The following PITPNC1 variants were observed in gnomAD, a reference collection of about 807,000 sequenced individuals.
The protein encoded by PITPNC1 is cytoplasmic phosphatidylinositol transfer protein 1.
PITPNC1 carries 18 observed loss-of-function variants against 44.7 expected under a neutral mutation model. That is an observed-to-expected ratio of 0.40 (90% confidence interval 0.28 to 0.60). The LOEUF (loss-of-function observed/expected upper bound fraction) is 0.60, where lower values mean the gene tolerates loss of function less well. Among genes scored for constraint, PITPNC1 ranks in the 20% least tolerant of loss-of-function variants. The pLI, the probability that PITPNC1 is intolerant of heterozygous loss-of-function variation, is 0.39. For synonymous variants in PITPNC1, 141 were observed against 149.6 expected (o/e 0.94, Z 0.42); for missense variants, 290 against 418.4 (o/e 0.69, Z 2.68).
intron 1 of PITPNC1, among the ~76,000 whole-genome samples, chr17:67,418,378 T>C (rs1057182194): frequency 3.3e-5 from 5 of 152,186 alleles, no homozygotes; most frequent in Non-Finnish European, 7.4e-5. Flanking sequence ...GACCCAAAGA[T>C]AAACAATGGG....
At chr17:67,481,013 C>T (rs2039694173) in intron 1 of PITPNC1, among the ~76,000 whole-genome samples, 1 of 152,208 alleles carries the variant, frequency 6.6e-6, no homozygotes, top group Non-Finnish European at 1.5e-5. Context: ...TCGAGACCAG[C>T]CTGGCCAGCA....
chr17:67,690,886 C>T (rs1256687150), intron 8 of PITPNC1, among the ~76,000 whole-genome samples: 10 of 151,802 alleles, frequency 6.6e-5, no homozygotes, highest in Admixed American at 5.3e-4. Flanking sequence ...AGGTGGATCA[C>T]GAGGTTAGGA....
chr17:67,379,359 C>T, intron 1 of PITPNC1: 2 of 985,480 alleles, frequency 2.0e-6, no homozygotes, highest in Non-Finnish European at 2.4e-6. Flanking sequence ...CTCACAGGGG[C>T]TGTCCGTATT....
chr17:67,385,475 C>T (rs1392249971), intron 1 of PITPNC1, among the ~76,000 whole-genome samples: 2 of 151,816 alleles, frequency 1.3e-5, no homozygotes, highest in Non-Finnish European at 2.9e-5. Context: ...AATGGCTGAC[C>T]ACCCCTCCCC....
Position 67,692,903 on chromosome 17 carries a change from C to T in PITPNC1, c.*15C>T. The T allele has an allele frequency of 2.8e-6, 4 of 1,426,242 alleles. No individual in the cohort carries two copies. The highest frequency in any genetic ancestry group is 2.3e-5 in the East Asian group (1 of 43,510). 88.3% of individuals were successfully genotyped at this position (1,426,242 alleles called of 1,614,324 possible). On this transcript the variant is annotated 3_prime_UTR_variant, in exon 9 of 9. Transcript: ENST00000581322. The stretch of plus-strand genomic sequence containing the variant: ...AATCTGAGTAACTTTATATAAATAT[C>T]TCATGGGGTTTTATATTTTCATTTG...
intron 6 of PITPNC1, among the ~76,000 whole-genome samples, chr17:67,642,772 A>T (rs530691906): frequency 6.6e-6 from 1 of 152,292 alleles, no homozygotes; most frequent in South Asian, 2.1e-4. Context: ...ATTTGGATCA[A>T]ACCCCATTTT....
intron 1 of PITPNC1, among the ~76,000 whole-genome samples, chr17:67,494,185 T>TTTCTTTCTTTCTTTCTTTCTTTCTTTC (rs2039904517): frequency 6.8e-5 from 7 of 102,430 alleles, no homozygotes; most frequent in African/African-American, 1.5e-4. Context: ...CTTTCTTTCT[T>TTTCTTTCTTTCTTTCTTTCTTTCTTTC]TTTCTTTCTT....
chr17:67,477,785 C>G (rs566669841), intron 1 of PITPNC1, among the ~76,000 whole-genome samples: 2 of 152,244 alleles, frequency 1.3e-5, no homozygotes, highest in Admixed American at 6.5e-5. Context: ...TTCCCTCTAC[C>G]CTGAGGGTTC....
At chr17:67,452,545 ACT>A (rs1000949092) in intron 1 of PITPNC1, among the ~76,000 whole-genome samples, 4 of 136,954 alleles carry the variant, frequency 2.9e-5, no homozygotes, top group African/African-American at 1.1e-4. Context: ...ATGGAGTCTC[ACT>A]CTGTCGCCAG....
chr17:67,513,818 A>G (rs1175592240), intron 1 of PITPNC1, among the ~76,000 whole-genome samples: 1 of 152,122 alleles, frequency 6.6e-6, no homozygotes, highest in African/African-American at 2.4e-5. Context: ...TTAGCATCCT[A>G]TGGATCTATC....
At chr17:67,388,171 T>G (rs2038082938) in intron 1 of PITPNC1, among the ~76,000 whole-genome samples, 1 of 152,190 alleles carries the variant, frequency 6.6e-6, no homozygotes. Context: ...AATTAGAGAT[T>G]CTTTTGTATT....
chr17:67,425,201 A>ACG lies in PITPNC1; in HGVS notation c.48+47001_48+47002dup, dbSNP rs1388039248. Among the ~76,000 whole-genome samples the ACG allele has an allele frequency of 2.0e-3, 126 of 63,286 alleles. 2 individuals carry two copies. Among genetic ancestry groups the ACG allele is most frequent in the Middle Eastern group, 0.01 (1 of 100 alleles). 41.5% of individuals were successfully genotyped at this position (63,286 alleles called of 152,430 possible). A position where few individuals can be genotyped will look rare whatever the true frequency, so the allele number is the denominator to read the frequency against. The stretch of plus-strand genomic sequence containing the variant: ...AGCCATGTTGTGCGCGCGCACGCAC[A>ACG]CGCACACACACACACACACACACAC... On this transcript the variant is annotated intron_variant, in intron 1 of 8. Transcript: ENST00000581322.
At chr17:67,569,318 C>T (rs564287081) in intron 4 of PITPNC1, among the ~76,000 whole-genome samples, 27 of 152,242 alleles carry the variant, frequency 1.8e-4, no homozygotes, top group African/African-American at 6.3e-4. Context: ...TCAGTTCTGC[C>T]GTGCATTTTG....
chr17:67,404,195 A>G (rs2038363698), intron 1 of PITPNC1, among the ~76,000 whole-genome samples: 1 of 152,234 alleles, frequency 6.6e-6, no homozygotes, highest in African/African-American at 2.4e-5. Context: ...TGGAATGGTA[A>G]CATTTCTGGA....
At chr17:67,467,053 G>GTTT in intron 1 of PITPNC1, among the ~76,000 whole-genome samples, 2 of 120,800 alleles carry the variant, frequency 1.7e-5, no homozygotes, top group African/African-American at 2.8e-5. Context: ...CCAGTTAGGA[G>GTTT]ATTTTTTTTT....
At position 67,523,806 on chromosome 17, in the gene PITPNC1, C is replaced by CCTTTTTTT. The variant is rs1281830078; in HGVS notation, c.49-8996_49-8995insCTTTTTTT. 7.1e-5 allele frequency among the ~76,000 whole-genome samples: 9 copies of CCTTTTTTT among 127,608 alleles called. 1 individual carries two copies. The highest frequency in any genetic ancestry group is 6.5e-5 in the Non-Finnish European group (4 of 61,248). The allele number at this position is 127,608 out of a possible 152,430, so 83.7% of individuals were successfully genotyped here. ...CACCAGCTCAGAAATACATGGAAAC[C>CCTTTTTTT]GTTTTTTTTTTTTTTTTTTTTTTTA... On this transcript the variant is annotated intron_variant, in intron 1 of 8. Coordinates refer to ENST00000581322, the MANE Select transcript of PITPNC1 (RefSeq NM_012417.4).
At chr17:67,606,071 G>C (rs2041603775) in intron 5 of PITPNC1, among the ~76,000 whole-genome samples, 1 of 152,212 alleles carries the variant, frequency 6.6e-6, no homozygotes, top group South Asian at 2.1e-4. Context: ...CCTGGGGCCA[G>C]AATGGACCTC....
intron 5 of PITPNC1, among the ~76,000 whole-genome samples, chr17:67,604,843 G>C (rs1006012625): frequency 3.9e-5 from 6 of 152,092 alleles, no homozygotes; most frequent in Admixed American, 3.9e-4. Flanking sequence ...ACTTTGGGAG[G>C]CTGAGGCGGA....
chr17:67,519,794 C>A (rs1377238200), intron 1 of PITPNC1, among the ~76,000 whole-genome samples: 5 of 152,180 alleles, frequency 3.3e-5, no homozygotes, highest in African/African-American at 1.2e-4. Context: ...CATATACAAT[C>A]CACATATATA....
Sources: gnomAD v4.1 joint callset for allele counts (sites outside exome capture counted in the v4.1 genomes callset) on GRCh38, gnomAD v4.1.1 for gene constraint, MANE v1.5 for transcripts, NCBI Gene and HGNC (gene_info 2026-07-23, HGNC 2026-07-21) for gene names.